Variants in NAB1 observed in about 807,000 individuals in gnomAD.
NAB1 encodes the protein NGFI-A-binding protein 1.
A neutral mutation model predicts 49.9 loss-of-function variants in NAB1; 25 were observed. That is an observed-to-expected ratio of 0.50 (90% confidence interval 0.37 to 0.70). NAB1 has a LOEUF of 0.70. NAB1 is among the 30% of genes least tolerant of loss of function. NAB1 has a pLI of 0.00. For missense variants in NAB1, 489 were observed against 575.9 expected (o/e 0.85, Z 1.54); for synonymous variants, 198 against 215.6 (o/e 0.92, Z 0.71).
At chr2:190,687,394 TCAAAAA>T in intron 9 of NAB1, 77 bp downstream of exon 9, 8 of 93,858 alleles carry the variant, frequency 8.5e-5, no homozygotes, top group South Asian at 2.3e-4. Context: ...TCCTCCCCCA[TCAAAAA>T]AAAAAAAAAA....
chr2:190,683,786 G>C lies in NAB1; in HGVS notation c.1054G>C (p.Ala352Pro). Residue 352 changes from alanine (A) to proline (P), a missense_variant, in exon 7 of 10, where the codon GCT becomes CCT. Ala to Pro is a conservative substitution (Grantham distance 27). This residue lies in a region of NAB1 where 212 missense variants were observed against 199.3 expected (regional missense o/e 1.06). Coordinates refer to ENST00000337386, the MANE Select transcript of NAB1 (RefSeq NM_005966.4). ...TTCTGTGCAAACACTCTTCCAGCAG[G>C]CTAGAGCTAAGAGTGAAGAACTTGC... The part of the protein sequence containing the change: ...QDSVQTLFQQ[A>P]RAKSEELAAL... 6.2e-7 allele frequency: 1 copy of C among 1,613,814 alleles called. No homozygotes were observed. Among genetic ancestry groups the C allele is most frequent in the Non-Finnish European group, 8.5e-7 (1 of 1,179,944 alleles).
rs1007682060 is a variant in NAB1, at chr2:190,691,219, A to G, written c.*886A>G. The G allele has an allele frequency of 3.3e-5, 5 of 152,340 alleles. No individual in the cohort carries two copies. The highest frequency in any genetic ancestry group is 1.2e-4 in the African/African-American group (5 of 41,444). 9.4% of individuals were successfully genotyped at this position (152,340 alleles called of 1,614,324 possible). A position where few individuals can be genotyped will look rare whatever the true frequency, so the allele number is the denominator to read the frequency against. On this transcript the variant is annotated 3_prime_UTR_variant, in exon 10 of 10. Transcript: ENST00000337386. The surrounding 1 kb of genome is among the most constrained non-coding windows in gnomAD (Gnocchi z 4.1). ...ACAGTAAGTTAACCCTACATGTTAT[A>G]AAGATGGCGACTGTTAACAAAGGCT...
At chr2:190,688,988 G>A (rs1167832571) in intron 9 of NAB1, among the ~76,000 whole-genome samples, 3 of 151,914 alleles carry the variant, frequency 2.0e-5, no homozygotes, top group African/African-American at 7.3e-5. Context: ...ACAAGTGCCC[G>A]CCACTGCACC....
At chr2:190,690,030 T>TATACATATGTATGTATAC (rs1420420933) in intron 9 of NAB1, among the ~76,000 whole-genome samples, 2 of 150,014 alleles carry the variant, frequency 1.3e-5, no homozygotes, top group African/African-American at 4.9e-5. Flanking sequence ...ATATGTATAC[T>TATACATATGTATGTATAC]ATATGTATAC....
In NAB1 at chr2:190,686,198, G is replaced by A. The variant is rs951268933; in HGVS notation, c.1258+560G>A. On this transcript the variant is annotated intron_variant, in intron 8 of 9. Coordinates refer to ENST00000337386, the MANE Select transcript of NAB1 (RefSeq NM_005966.4). This position sits in a 1 kb window ranked among gnomAD's most constrained non-coding sequence, Gnocchi z 5.5. ...GTCATTGTTATTCACCCAACCAACA[G>A]GCATTTTATTTTTTTAGCAATTCCT... 2.6e-5 allele frequency among the ~76,000 whole-genome samples: 4 copies of A among 152,114 alleles called. No homozygotes were observed. Among genetic ancestry groups the A allele is most frequent in the African/African-American group, 4.8e-5 (2 of 41,430 alleles).
intron 3 of NAB1, among the ~76,000 whole-genome samples, chr2:190,658,887 G>A (rs575907351): frequency 2.0e-5 from 3 of 152,158 alleles, no homozygotes; most frequent in Non-Finnish European, 4.4e-5. Context: ...TACGGGACAT[G>A]GAACCTTTGG....
At chr2:190,668,524 C>T (rs889015315) in intron 4 of NAB1, among the ~76,000 whole-genome samples, 6 of 152,054 alleles carry the variant, frequency 3.9e-5, no homozygotes, top group East Asian at 1.9e-4. Flanking sequence ...AAACAAGCCA[C>T]GTCTCTGCCT....
At chr2:190,658,865 T>C (rs1337793308) in intron 3 of NAB1, among the ~76,000 whole-genome samples, 1 of 152,208 alleles carries the variant, frequency 6.6e-6, no homozygotes, top group African/African-American at 2.4e-5. Flanking sequence ...TAGCAAAGTA[T>C]ATAGCCAAAA....
chr2:190,661,442 C>T (rs944758889), intron 4 of NAB1, among the ~76,000 whole-genome samples: 1 of 152,086 alleles, frequency 6.6e-6, no homozygotes, highest in South Asian at 2.1e-4. Context: ...TAGTTTCATG[C>T]TTTAACCTAG....
chr2:190,656,454 G>T (rs888397682), intron 3 of NAB1, among the ~76,000 whole-genome samples: 1 of 152,194 alleles, frequency 6.6e-6, no homozygotes, highest in African/African-American at 2.4e-5. Flanking sequence ...CTTAGGAGGA[G>T]AACTCCTTTT....
rs1319274068 is a variant in NAB1 at position 190,689,068 on chromosome 2, C to T, written c.1376-1177C>T. On this transcript the variant is annotated intron_variant, in intron 9 of 9. Coordinates refer to ENST00000337386, the MANE Select transcript of NAB1 (RefSeq NM_005966.4). The surrounding 1 kb of genome is among the most constrained non-coding windows in gnomAD (Gnocchi z 4.3). ...GTCTCAATCTCCTGACCTTGTGATC[C>T]GCCCGCCTCGGCCCCACAAAGTGCT... Among the ~76,000 whole-genome samples the T allele has an allele frequency of 6.6e-5, 10 of 151,996 alleles. No individual in the cohort carries two copies. Among genetic ancestry groups the T allele is most frequent in the Non-Finnish European group, 1.0e-4 (7 of 67,986 alleles).
chr2:190,683,381 GGTGATCT>G (rs1321694741), intron 6 of NAB1, among the ~76,000 whole-genome samples: 1 of 143,558 alleles, frequency 7.0e-6, no homozygotes, highest in African/African-American at 2.7e-5. Flanking sequence ...CCTGACCTCA[GGTGATCT>G]GCCCACCTTG....
chr2:190,670,525 C>G lies in NAB1; in HGVS notation c.953+66C>G. 1 of 1,499,092 alleles carries G rather than the reference C, an allele frequency of 6.7e-7. No homozygotes were observed. Among genetic ancestry groups the G allele is most frequent in the Non-Finnish European group, 9.2e-7 (1 of 1,088,684 alleles). 92.9% of individuals were successfully genotyped at this position (1,499,092 alleles called of 1,614,324 possible). A position where few individuals can be genotyped will look rare whatever the true frequency, so the allele number is the denominator to read the frequency against. ...AGAGAAGTAGAGTTCGAAACATCATCTATTGATAGAATATAAGCATTTCTG... is the reference window on the plus strand; with the variant it reads ...AGAGAAGTAGAGTTCGAAACATCATGTATTGATAGAATATAAGCATTTCTG... On this transcript the variant is annotated intron_variant, in intron 5 of 9. Coordinates refer to ENST00000337386, the MANE Select transcript of NAB1 (RefSeq NM_005966.4). The surrounding 1 kb of genome is among the most constrained non-coding windows in gnomAD (Gnocchi z 5.3).
rs577269723 is a variant in NAB1 at position 190,654,457 on chromosome 2, G to A, written c.-196-1520G>A. On this transcript the variant is annotated intron_variant, in intron 2 of 9. Coordinates refer to ENST00000337386, the MANE Select transcript of NAB1 (RefSeq NM_005966.4). This position sits in a 1 kb window ranked among gnomAD's most constrained non-coding sequence, Gnocchi z 5.6. ...AGCTGCAGCCAGGGGTAGTGGGAAA[G>A]ACATTTTGGGAAAGGCTGTGAAGGT... Among the ~76,000 whole-genome samples the A allele has an allele frequency of 1.3e-5, 2 of 152,322 alleles. No individual in the cohort carries two copies. Among genetic ancestry groups the A allele is most frequent in the East Asian group, 3.9e-4 (2 of 5,188 alleles).
At chr2:190,688,087 G>A (rs902439502) in intron 9 of NAB1, among the ~76,000 whole-genome samples, 14 of 152,142 alleles carry the variant, frequency 9.2e-5, no homozygotes, top group African/African-American at 3.4e-4. Context: ...TTAGAGACCA[G>A]CACAATTTGA....
Position 190,659,526 on chromosome 2 carries a change from G to A in NAB1, c.350G>A (p.Ser117Asn), listed in dbSNP as rs746208529. ...LGISCSSYERSSNAREPHLKI... is the reference protein window; with the variant it reads ...LGISCSSYERNSNAREPHLKI... ...ATATCCTGCAGTAGTTATGAAAGGA[G>A]TAGCAATGCCCGGGAACCTCATTTA... Residue 117 changes from serine to asparagine, a missense_variant, in exon 4 of 10, where the codon AGT (serine) becomes AAT (asparagine). Coordinates refer to ENST00000337386, the MANE Select transcript of NAB1 (RefSeq NM_005966.4). The surrounding 1 kb of genome is among the most constrained non-coding windows in gnomAD (Gnocchi z 6.2). 1 of 1,614,226 alleles carries A rather than the reference G, an allele frequency of 6.2e-7. No homozygotes were observed. The highest frequency in any genetic ancestry group is 8.5e-7 in the Non-Finnish European group (1 of 1,180,040).
chr2:190,665,317 C>T (rs1413138867), intron 4 of NAB1, among the ~76,000 whole-genome samples: 2 of 135,904 alleles, frequency 1.5e-5, no homozygotes, highest in South Asian at 4.6e-4. Context: ...AGCAAGACTC[C>T]ATCTCAAAAA....
chr2:190,659,822 A>G lies in NAB1; in HGVS notation c.646A>G (p.Asn216Asp). The change falls in exon 4 of 10, where the codon AAT (asparagine) becomes GAT (aspartate). Residue 216 changes from asparagine to aspartate, a missense_variant. This residue lies in a region of NAB1 where 204 missense variants were observed against 220.9 expected (regional missense o/e 0.92). Transcript: ENST00000337386. This position sits in a 1 kb window ranked among gnomAD's most constrained non-coding sequence, Gnocchi z 6.2. Reference protein sequence around the residue: ...MAPTLPKSDLNEVKELLKTNK... With the variant: ...MAPTLPKSDLDEVKELLKTNK... ...CCCCACACTGCCAAAAAGTGACTTG[A>G]ATGAAGTGAAAGAGCTGCTAAAAAC... 1.2e-6 allele frequency: 2 copies of G among 1,614,232 alleles called. No individual in the cohort carries two copies. Among genetic ancestry groups the G allele is most frequent in the Non-Finnish European group, 1.7e-6 (2 of 1,180,032 alleles).
At chr2:190,664,466 C>T (rs946325267) in intron 4 of NAB1, among the ~76,000 whole-genome samples, 2 of 151,782 alleles carry the variant, frequency 1.3e-5, no homozygotes, top group East Asian at 3.9e-4. Flanking sequence ...ACTCAGCCTC[C>T]TGGGTAGCTG....
Sources: allele counts gnomAD v4.1 joint callset (sites outside exome capture counted in the v4.1 genomes callset), GRCh38; gene constraint gnomAD v4.1.1; regional missense constraint gnomAD v4.1.1; non-coding constraint Gnocchi (gnomAD v3.1); transcripts MANE v1.5; gene names NCBI Gene and HGNC (gene_info 2026-07-23, HGNC 2026-07-21).